AFF4: variants seen among roughly 807,000 people sequenced by gnomAD.
AFF4 encodes the protein ALF transcription elongation factor 4.
A neutral mutation model predicts 124.8 loss-of-function variants in AFF4; 13 were observed. The ratio of observed to expected loss-of-function variants is 0.10; its 90% CI spans 0.07 to 0.17. AFF4 has a LOEUF of 0.17. Among genes scored for constraint, AFF4 ranks in the 10% least tolerant of loss-of-function variants. The probability of loss-of-function intolerance (pLI) is 1.00; values close to 1 mark genes in which losing one functional copy is unlikely to be tolerated. For missense variants in AFF4, 1,092 were observed against 1,403.8 expected (o/e 0.78, Z 3.55); for synonymous variants, 477 against 496.1 (o/e 0.96, Z 0.51).
chr5:132,932,540 A>G (rs950073507), intron 3 of AFF4, among the ~76,000 whole-genome samples: 2 of 152,226 alleles, frequency 1.3e-5, no homozygotes, highest in Admixed American at 6.5e-5. Context: ...AATCTTACCT[A>G]TATATAAAAC....
chr5:132,931,010 G>A (rs1411820274), intron 4 of AFF4, among the ~76,000 whole-genome samples: 3 of 151,404 alleles, frequency 2.0e-5, no homozygotes, highest in Non-Finnish European at 4.4e-5. Flanking sequence ...AGGAGGCTGA[G>A]GCAGAAGAAT....
At chr5:132,899,033 A>C in intron 9 of AFF4, 71 bp downstream of exon 9, 1 of 1,352,970 alleles carries the variant, frequency 7.4e-7, no homozygotes, top group Non-Finnish European at 1.0e-6. Flanking sequence ...AAGGCCACTT[A>C]TTATATCCCT....
At chr5:132,912,413 T>C (rs1180830977) in intron 5 of AFF4, among the ~76,000 whole-genome samples, 3 of 151,886 alleles carry the variant, frequency 2.0e-5, no homozygotes, top group Non-Finnish European at 4.4e-5. Context: ...CAGACTGGAG[T>C]GCAGTGGAGT....
Position 132,934,249 on chromosome 5 carries a change from A to G in AFF4, c.816T>C (p.Ser272=). ...GQESMEPKLS[S]EHYSSQSHGN... ...CATGGGATTGGCTGCTGTAGTGCTC[A>G]GAGGACAGCTTTGGTTCCATGGACT... The change falls in exon 3 of 21, where the codon TCT becomes TCC. Residue 272 remains serine, a synonymous_variant. Coordinates refer to ENST00000265343, the MANE Select transcript of AFF4 (RefSeq NM_014423.4). 6.2e-7 allele frequency: 1 copy of G among 1,614,196 alleles called. No homozygotes were observed. The highest frequency in any genetic ancestry group is 8.5e-7 in the Non-Finnish European group (1 of 1,180,042).
chr5:132,935,750 C>A (rs1362890283), intron 2 of AFF4, among the ~76,000 whole-genome samples: 1 of 149,728 alleles, frequency 6.7e-6, no homozygotes, highest in Admixed American at 6.6e-5. Flanking sequence ...CAGTAAGACT[C>A]CATCTCCGAA....
At position 132,934,221 on chromosome 5, in the gene AFF4, T is replaced by G. The variant is rs760426736; in HGVS notation, c.844A>C (p.Asn282His). 27 of 1,614,104 alleles carry G rather than the reference T, an allele frequency of 1.7e-5. No individual in the cohort carries two copies. The Admixed American group carries it at 4.5e-4, about 27-fold the overall frequency. The change falls in exon 3 of 21, where the codon AAC becomes CAC. Residue 282 changes from asparagine (N) to histidine (H), a missense_variant. By Grantham distance (68) the Asn-to-His change is moderately conservative. This residue lies in a region of AFF4 where 148 missense variants were observed against 196.3 expected (regional missense o/e 0.75). Coordinates refer to ENST00000265343, the MANE Select transcript of AFF4 (RefSeq NM_014423.4). ...CTGGGCTTCAGCTCAGTCATGCTGT[T>G]GCCATGGGATTGGCTGCTGTAGTGC... ...SEHYSSQSHG[N>H]SMTELKPSSK...
At chr5:132,924,248 T>G (rs961741908) in intron 5 of AFF4, among the ~76,000 whole-genome samples, 5 of 151,802 alleles carry the variant, frequency 3.3e-5, no homozygotes, top group Admixed American at 2.0e-4. Flanking sequence ...ACTGAGACTC[T>G]GTCTCAAAAA....
At chr5:132,940,097 G>A (rs1229309043) in intron 1 of AFF4, among the ~76,000 whole-genome samples, 2 of 152,194 alleles carry the variant, frequency 1.3e-5, no homozygotes, top group Non-Finnish European at 2.9e-5. Context: ...CTACTCAGGA[G>A]GCTGAGGCAG....
intron 7 of AFF4, chr5:132,901,265 C>G (rs1287810267): frequency 2.1e-6 from 1 of 479,078 alleles, no homozygotes; most frequent in Non-Finnish European, 2.7e-6. Flanking sequence ...CGCTTTTGTT[C>G]CCTCACAATC....
chr5:132,899,052 A>G lies in AFF4; in HGVS notation c.1226+52T>C. The G allele has an allele frequency of 2.0e-6, 3 of 1,526,102 alleles. No individual in the cohort carries two copies. The South Asian group carries it at 3.4e-5, about 17-fold the overall frequency. 94.5% of individuals were successfully genotyped at this position (1,526,102 alleles called of 1,614,324 possible). A position where few individuals can be genotyped will look rare whatever the true frequency, so the allele number is the denominator to read the frequency against. ...CCACTTATTATATCCCTGCAATGTT[A>G]TCAGGCTGACCCAACTCTTACCAAT... On this transcript the variant is annotated intron_variant, in intron 9 of 20. Coordinates refer to ENST00000265343, the MANE Select transcript of AFF4 (RefSeq NM_014423.4).
intron 1 of AFF4, among the ~76,000 whole-genome samples, chr5:132,958,143 G>A (rs1762002550): frequency 6.6e-6 from 1 of 152,026 alleles, no homozygotes; most frequent in Non-Finnish European, 1.5e-5. Flanking sequence ...AACACATAAT[G>A]AAATATTACA....
At chr5:132,924,908 G>C (rs986707721) in intron 5 of AFF4, among the ~76,000 whole-genome samples, 1 of 151,760 alleles carries the variant, frequency 6.6e-6, no homozygotes, top group Non-Finnish European at 1.5e-5. Flanking sequence ...AGGTGCGTTG[G>C]CTCACACCTG....
At chr5:132,926,029 A>G (rs1181237978) in intron 5 of AFF4, among the ~76,000 whole-genome samples, 1 of 152,248 alleles carries the variant, frequency 6.6e-6, no homozygotes, top group Non-Finnish European at 1.5e-5. Context: ...AGGATATATT[A>G]ACACTAAAGA....
chr5:132,943,966 G>T, intron 1 of AFF4: 1 of 156,554 alleles, frequency 6.4e-6, no homozygotes. Context: ...TAAAATTCCT[G>T]GCAAGCCCAC....
intron 5 of AFF4, among the ~76,000 whole-genome samples, chr5:132,921,980 T>C (rs1489342206): frequency 6.6e-6 from 1 of 151,984 alleles, no homozygotes; most frequent in Admixed American, 6.6e-5. Context: ...AGACAGAGTC[T>C]CATTATGTTG....
chr5:132,877,443 AAAT>A lies in AFF4; in HGVS notation c.*3613_*3615del, dbSNP rs1759865916. On this transcript the variant is annotated 3_prime_UTR_variant, in exon 21 of 21. Coordinates refer to ENST00000265343, the MANE Select transcript of AFF4 (RefSeq NM_014423.4). ...AGAAAGTGTCTTAGATCAATTTAAT[AAAT>A]AATGTGGAAATAGTTGCACTAAGCT... is the stretch of plus-strand genomic sequence containing the variant. 1 of 216,144 alleles carries A rather than the reference AAAT, an allele frequency of 4.6e-6. No homozygotes were observed. The highest frequency in any genetic ancestry group is 2.2e-5 in the African/African-American group (1 of 44,502). The allele number at this position is 216,144 out of a possible 1,614,324, so 13.4% of individuals were successfully genotyped here.
At chr5:132,894,742 G>A (rs536310020) in intron 11 of AFF4, among the ~76,000 whole-genome samples, 29 of 152,050 alleles carry the variant, frequency 1.9e-4, no homozygotes, top group Admixed American at 3.9e-4. Context: ...TGGGAGGACT[G>A]CTTGATTCCA....
intron 5 of AFF4, chr5:132,926,771 G>A: frequency 6.6e-6 from 1 of 151,214 alleles, no homozygotes; most frequent in Non-Finnish European, 1.4e-5. Flanking sequence ...TGTTGACCAG[G>A]CTGGTCGCAA....
At position 132,877,587 on chromosome 5, in the gene AFF4, C is replaced by A. The variant is rs767079872; in HGVS notation, c.*3472G>T. The A allele has an allele frequency of 2.4e-5, 5 of 209,004 alleles. No individual in the cohort carries two copies. The highest frequency in any genetic ancestry group is 4.9e-5 in the Non-Finnish European group (5 of 102,600). The allele number at this position is 209,004 out of a possible 1,614,324, so 12.9% of individuals were successfully genotyped here. On this transcript the variant is annotated 3_prime_UTR_variant, in exon 21 of 21. Coordinates refer to ENST00000265343, the MANE Select transcript of AFF4 (RefSeq NM_014423.4). Reference sequence around the variant, plus strand: ...TAAGATCCAAAGTTGCATACCCTTACACCTAGAAGAGTGCACAGTGTACTC... The same window carrying A: ...TAAGATCCAAAGTTGCATACCCTTAAACCTAGAAGAGTGCACAGTGTACTC...
Sources: gnomAD v4.1 joint callset for allele counts (sites outside exome capture counted in the v4.1 genomes callset) on GRCh38, gnomAD v4.1.1 for gene constraint, gnomAD v4.1.1 regional missense constraint, MANE v1.5 for transcripts, NCBI Gene and HGNC (gene_info 2026-07-23, HGNC 2026-07-21) for gene names.